Variants in ZNF879 observed in about 807,000 individuals in gnomAD.
ZNF879 encodes the protein zinc finger protein 879.
A neutral mutation model predicts 44.3 loss-of-function variants in ZNF879; 32 were observed. The observed-to-expected ratio is 0.72, with a 90% CI of 0.54 to 0.97. The LOEUF (loss-of-function observed/expected upper bound fraction) is 0.97. Ranked by LOEUF, ZNF879 falls within the 50% of genes least tolerant of loss-of-function variation. The pLI is 0.00. For synonymous variants in ZNF879, 234 were observed against 233.2 expected, an observed-to-expected ratio of 1.00 and a Z score of -0.03; for missense variants, 621 against 669.7, an observed-to-expected ratio of 0.93 and a Z score of 0.80.
chr5:179,027,815 C>G (rs558145352), intron 3 of ZNF879, among the ~76,000 whole-genome samples: 5 of 152,264 alleles, frequency 3.3e-5, no homozygotes, highest in African/African-American at 1.2e-4. Flanking sequence ...GAGCTCTGTT[C>G]CCTGAGCCCC....
intron 4 of ZNF879, among the ~76,000 whole-genome samples, chr5:179,028,858 T>C (rs1369601403): frequency 6.6e-6 from 1 of 152,232 alleles, no homozygotes; most frequent in Non-Finnish European, 1.5e-5. Context: ...TGTTGAGCTT[T>C]ACCACGTGTC....
chr5:179,032,065 C>G (rs1761431027), intron 4 of ZNF879, 140 bp from the exon 5 acceptor site: 2 of 707,304 alleles, frequency 2.8e-6, no homozygotes, highest in Non-Finnish European at 4.5e-6. Flanking sequence ...GTCTGTCATC[C>G]TGCTTCCTTC....
intron 4 of ZNF879, 41 bp downstream of exon 4, chr5:179,028,168 C>G (rs1207927469): frequency 6.5e-7 from 1 of 1,530,560 alleles, no homozygotes; most frequent in Admixed American, 2.0e-5. Context: ...TAACATTTTC[C>G]CACTGCCAGG....
rs1221325778 is a variant in ZNF879 at position 179,033,527 on chromosome 5, CT to C, written c.1581del (p.Met528Ter). The C allele has an allele frequency of 6.4e-7, 1 of 1,555,536 alleles. No homozygotes were observed. The highest frequency in any genetic ancestry group is 2.0e-5 in the Admixed American group (1 of 51,266). ...GAAAGCCTTCAGACAGAGTTCATCC[CT>C]TATGACACACATGAGAATTCATACA... The part of the protein sequence containing the change: ...CGKAFRQSSS[L>X]MTHMRIHTGE... On this transcript the variant is annotated frameshift_variant, in exon 5 of 5. Coordinates refer to ENST00000444149, the MANE Select transcript of ZNF879 (RefSeq NM_001136116.3). LOFTEE classifies it high-confidence loss of function.
rs1761496751 is a variant in ZNF879 at position 179,033,492 on chromosome 5, A to G, written c.1544A>G (p.Lys515Arg). 1 of 1,562,154 alleles carries G rather than the reference A, an allele frequency of 6.4e-7. No individual in the cohort carries two copies. The highest frequency in any genetic ancestry group is 1.2e-5 in the South Asian group (1 of 84,870). The change falls in exon 5 of 5, where the codon AAA (lysine) becomes AGA (arginine). Residue 515 changes from lysine (K) to arginine (R), a missense_variant. Coordinates refer to ENST00000444149, the MANE Select transcript of ZNF879 (RefSeq NM_001136116.3). ...IHTGEKPYNC[K>R]VCGKAFRQSS... ...ACTGGAGAGAAACCATATAATTGTA[A>G]AGTGTGTGGGAAAGCCTTCAGACAG...
chr5:179,025,900 C>T (rs1268714224), intron 2 of ZNF879, among the ~76,000 whole-genome samples: 1 of 147,324 alleles, frequency 6.8e-6, no homozygotes, highest in Non-Finnish European at 1.5e-5. Flanking sequence ...CTGCGTGACA[C>T]AGCGAGACTC....
At position 179,032,586 on chromosome 5, in the gene ZNF879, T is replaced by A; in HGVS notation, c.638T>A (p.Phe213Tyr). Residue 213 changes from phenylalanine (F) to tyrosine (Y), a missense_variant, in exon 5 of 5, where the codon TTC becomes TAC. By Grantham distance (22) the Phe-to-Tyr change is conservative (BLOSUM62 3). Coordinates refer to ENST00000444149, the MANE Select transcript of ZNF879 (RefSeq NM_001136116.3). ...AAATGTAATATCTGTGGGAAAATCT[T>A]CCTCCACAGTTCCTCCCTGAGTAAA... The part of the protein sequence containing the change: ...CYKCNICGKI[F>Y]LHSSSLSKHQ... The A allele has an allele frequency of 1.9e-6, 3 of 1,555,242 alleles. No homozygotes were observed. The South Asian group carries it at 3.6e-5, about 18-fold the overall frequency.
chr5:179,024,627 C>T (rs1266569239), intron 1 of ZNF879: 1 of 196,988 alleles, frequency 5.1e-6, no homozygotes, highest in Non-Finnish European at 1.0e-5. Flanking sequence ...GAACAACATC[C>T]AAGTGCAGAT....
intron 2 of ZNF879, among the ~76,000 whole-genome samples, chr5:179,025,933 A>G (rs1761255883): frequency 6.6e-6 from 1 of 150,930 alleles, no homozygotes; most frequent in African/African-American, 2.4e-5. Context: ...AAAAAAAGCC[A>G]GGTGTGGTGG....
At chr5:179,026,790 A>G (rs191459835) in intron 2 of ZNF879, among the ~76,000 whole-genome samples, 58 of 152,374 alleles carry the variant, frequency 3.8e-4, no homozygotes, top group African/African-American at 1.4e-3. Flanking sequence ...TGCCCAGCCA[A>G]GAAGATGACT....
chr5:179,033,377 A>G lies in ZNF879; in HGVS notation c.1429A>G (p.Ile477Val). Residue 477 changes from isoleucine (I) to valine (V), a missense_variant, in exon 5 of 5, where the codon ATT (isoleucine) becomes GTT (valine). Transcript: ENST00000444149. ...CTCAGGCGTTAATACTCATCGAAAA[A>G]TTCATACTGGAGAAAAACCTTATAA... Reference protein sequence around the residue: ...SHSGVNTHRKIHTGEKPYKCN... With the variant: ...SHSGVNTHRKVHTGEKPYKCN... The G allele has an allele frequency of 6.4e-7, 1 of 1,558,968 alleles. No individual in the cohort carries two copies. The highest frequency in any genetic ancestry group is 1.4e-5 in the African/African-American group (1 of 73,274).
chr5:179,024,905 T>G (rs1561732263), intron 1 of ZNF879, 65 bp from the exon 2 acceptor site: 3 of 1,291,654 alleles, frequency 2.3e-6, no homozygotes, highest in Non-Finnish European at 3.3e-6. Flanking sequence ...TAACCTGGTC[T>G]GGCCTAATGA....
rs759966369 is a variant in ZNF879, at chr5:179,033,483, A to G, written c.1535A>G (p.Tyr512Cys). The G allele has an allele frequency of 6.1e-5, 96 of 1,563,746 alleles. No homozygotes were observed. The highest frequency in any genetic ancestry group is 8.1e-5 in the Non-Finnish European group (93 of 1,154,232). Reference protein sequence around the residue: ...HQRIHTGEKPYNCKVCGKAFR... With the variant: ...HQRIHTGEKPCNCKVCGKAFR... ...AGAATTCATACTGGAGAGAAACCAT[A>G]TAATTGTAAAGTGTGTGGGAAAGCC... is the stretch of plus-strand genomic sequence containing the variant. Residue 512 changes from tyrosine to cysteine, a missense_variant, in exon 5 of 5, where the codon TAT becomes TGT. Transcript: ENST00000444149.
At position 179,033,110 on chromosome 5, in the gene ZNF879, A is replaced by G. The variant is rs770031204; in HGVS notation, c.1162A>G (p.Ile388Val). 37 of 1,577,688 alleles carry G rather than the reference A, an allele frequency of 2.3e-5. No homozygotes were observed. The highest frequency in any genetic ancestry group is 3.2e-5 in the Non-Finnish European group (37 of 1,161,666). Residue 388 changes from isoleucine (I) to valine (V), a missense_variant, in exon 5 of 5, where the codon ATC becomes GTC. Ile to Val is a conservative substitution (Grantham distance 29). Coordinates refer to ENST00000444149, the MANE Select transcript of ZNF879 (RefSeq NM_001136116.3). ...GKVFSYHSAL[I>V]IHQRIHTGEK... ...AGTATTCAGCTATCACTCAGCCCTTATCATACATCAGAGAATTCACACTGG... is the reference window on the plus strand; with the variant it reads ...AGTATTCAGCTATCACTCAGCCCTTGTCATACATCAGAGAATTCACACTGG...
Position 179,034,209 on chromosome 5 carries a change from C to G in ZNF879, c.*569C>G, listed in dbSNP as rs1217570122. 6.6e-6 allele frequency: 1 copy of G among 152,026 alleles called. No homozygotes were observed. Among genetic ancestry groups the G allele is most frequent in the Non-Finnish European group, 1.5e-5 (1 of 68,118 alleles). The allele number at this position is 152,026 out of a possible 1,614,324, so 9.4% of individuals were successfully genotyped here. On this transcript the variant is annotated 3_prime_UTR_variant, in exon 5 of 5. Coordinates refer to ENST00000444149, the MANE Select transcript of ZNF879 (RefSeq NM_001136116.3). ...CCATTCACCTGAGAAGAAAATCACT[C>G]CATAAACTATGCAGACGTACTGTCT...
At chr5:179,032,170 G>T in intron 4 of ZNF879, 35 bp from the exon 5 acceptor site, 1 of 1,425,174 alleles carries the variant, frequency 7.0e-7, no homozygotes, top group Admixed American at 2.9e-5. Flanking sequence ...AAAATTCTGA[G>T]TTCAAGAGAG....
chr5:179,029,213 A>G (rs972196392), intron 4 of ZNF879, among the ~76,000 whole-genome samples: 2 of 151,754 alleles, frequency 1.3e-5, no homozygotes, highest in South Asian at 4.2e-4. Context: ...TGTATAGGTA[A>G]CTTGTTTTTT....
At chr5:179,024,891 C>A in intron 1 of ZNF879, 79 bp from the exon 2 acceptor site, 4 of 1,166,772 alleles carry the variant, frequency 3.4e-6, no homozygotes, top group Non-Finnish European at 5.0e-6. Flanking sequence ...CAGCTTATGG[C>A]TTCTAACCTG....
intron 4 of ZNF879, among the ~76,000 whole-genome samples, chr5:179,029,379 C>T (rs142476909): frequency 2.3e-4 from 35 of 152,048 alleles, no homozygotes; most frequent in African/African-American, 8.4e-4. Context: ...CCTTTCATTT[C>T]AGGGATCTTT....
Sources: allele counts gnomAD v4.1 joint callset (sites outside exome capture counted in the v4.1 genomes callset), GRCh38; gene constraint gnomAD v4.1.1; transcripts MANE v1.5; gene names NCBI Gene and HGNC (gene_info 2026-07-23, HGNC 2026-07-21).